Variants in TXNDC16 observed in about 807,000 individuals in gnomAD.
TXNDC16 encodes thioredoxin domain containing 16, also known as thioredoxin domain-containing protein 16.
Under a neutral mutation model 85.6 loss-of-function variants are expected in TXNDC16, and 74 were observed. The observed-to-expected ratio is 0.86, with a 90% CI of 0.72 to 1.05. The LOEUF (loss-of-function observed/expected upper bound fraction) is 1.05, where lower values mean the gene tolerates loss of function less well. Ranked by LOEUF, TXNDC16 falls within the 50% of genes least tolerant of loss-of-function variation. TXNDC16 has a pLI of 0.00. For missense variants in TXNDC16, 959 were observed against 947.0 expected (o/e 1.01, Z -0.17); for synonymous variants, 335 against 326.5 (o/e 1.03, Z -0.28).
chr14:52,496,610 ATT>A (rs57762673), intron 9 of TXNDC16, among the ~76,000 whole-genome samples: 8 of 140,092 alleles, frequency 5.7e-5, no homozygotes, highest in African/African-American at 1.3e-4. Context: ...TGATTTTATG[ATT>A]TTTTTTTTTT....
At chr14:52,460,850 T>TTA (rs2035636909) in intron 16 of TXNDC16, among the ~76,000 whole-genome samples, 1 of 152,168 alleles carries the variant, frequency 6.6e-6, no homozygotes, top group Admixed American at 6.5e-5. Flanking sequence ...TAGTATTACA[T>TTA]GAAATTTATG....
intron 1 of TXNDC16, among the ~76,000 whole-genome samples, chr14:52,544,650 T>G (rs2037904125): frequency 6.6e-6 from 1 of 151,982 alleles, no homozygotes; most frequent in Non-Finnish European, 1.5e-5. Flanking sequence ...ACTCTGCTCA[T>G]TCAATATTAT....
intron 6 of TXNDC16, among the ~76,000 whole-genome samples, chr14:52,534,698 T>G (rs1285649977): frequency 6.6e-6 from 1 of 152,206 alleles, no homozygotes; most frequent in Non-Finnish European, 1.5e-5. Context: ...TTAGCCCTTA[T>G]GCATACATAC....
intron 6 of TXNDC16, among the ~76,000 whole-genome samples, chr14:52,527,794 C>A (rs1412181450): frequency 6.6e-6 from 1 of 152,130 alleles, no homozygotes; most frequent in Non-Finnish European, 1.5e-5. Context: ...CACAGACTCA[C>A]AAGTAGGGTA....
chr14:52,494,760 C>T (rs1251496290), intron 9 of TXNDC16, among the ~76,000 whole-genome samples: 2 of 152,172 alleles, frequency 1.3e-5, no homozygotes, highest in Non-Finnish European at 2.9e-5. Flanking sequence ...TTTAAAATAT[C>T]ACTCTGTCAG....
intron 9 of TXNDC16, 106 bp downstream of exon 9, chr14:52,511,134 A>C (rs527751066): frequency 1.0e-6 from 1 of 956,500 alleles, no homozygotes; most frequent in South Asian, 3.3e-5. Context: ...TAAAACATGC[A>C]TCTATAAATC....
intron 8 of TXNDC16, among the ~76,000 whole-genome samples, chr14:52,511,750 T>C (rs956357226): frequency 6.6e-6 from 1 of 152,142 alleles, no homozygotes; most frequent in Non-Finnish European, 1.5e-5. Flanking sequence ...CAGTTGCTTT[T>C]CTAGAGCTAT....
chr14:52,543,265 CCAGT>C, intron 3 of TXNDC16, 129 bp downstream of exon 3: 2 of 1,001,172 alleles, frequency 2.0e-6, no homozygotes, highest in Non-Finnish European at 2.8e-6. Flanking sequence ...GGATTCAAAC[CCAGT>C]CAGACATATT....
intron 9 of TXNDC16, among the ~76,000 whole-genome samples, chr14:52,498,862 C>T (rs1233345515): frequency 6.6e-6 from 1 of 151,944 alleles, no homozygotes; most frequent in Non-Finnish European, 1.5e-5. Flanking sequence ...TCAGATAGCC[C>T]AGACAATCTT....
rs1594758189 is a variant in TXNDC16, at chr14:52,530,426, TATAA to T, written c.392+6289_392+6292del. On this transcript the variant is annotated intron_variant, in intron 6 of 20. Coordinates refer to ENST00000281741, the MANE Select transcript of TXNDC16 (RefSeq NM_020784.3). ...TATATAATTATTATATAATATTATA[TATAA>T]TAATATATAATATATTATTATATAA... Among the ~76,000 whole-genome samples the T allele has an allele frequency of 4.6e-4, 12 of 26,334 alleles. 5 individuals are homozygous for T. The highest frequency in any genetic ancestry group is 1.7e-3 in the Admixed American group (2 of 1,200). 17.3% of individuals were successfully genotyped at this position (26,334 alleles called of 152,430 possible).
intron 4 of TXNDC16, among the ~76,000 whole-genome samples, chr14:52,538,504 C>T (rs1054816844): frequency 1.9e-4 from 29 of 152,028 alleles, no homozygotes; most frequent in African/African-American, 6.3e-4. Flanking sequence ...ATCACATTAG[C>T]GTAGGTCATG....
intron 9 of TXNDC16, among the ~76,000 whole-genome samples, chr14:52,494,519 C>G (rs1423229524): frequency 6.6e-6 from 1 of 152,102 alleles, no homozygotes; most frequent in Admixed American, 6.5e-5. Flanking sequence ...GTGAAATACC[C>G]TGAAGGAGTA....
At chr14:52,444,202 T>A (rs994675119) in intron 18 of TXNDC16, among the ~76,000 whole-genome samples, 2 of 152,140 alleles carry the variant, frequency 1.3e-5, no homozygotes, top group Admixed American at 6.5e-5. Flanking sequence ...GACCTTTGGC[T>A]CTCTGAGTAT....
chr14:52,456,016 TC>T (rs1298881788), intron 17 of TXNDC16, among the ~76,000 whole-genome samples: 1 of 152,204 alleles, frequency 6.6e-6, no homozygotes, highest in Admixed American at 6.5e-5. Flanking sequence ...CTGTACTCTC[TC>T]CACTGAAACA....
At chr14:52,463,892 A>G (rs187350513) in intron 16 of TXNDC16, among the ~76,000 whole-genome samples, 175 of 152,330 alleles carry the variant, frequency 1.1e-3, no homozygotes, top group Non-Finnish European at 1.8e-3. Flanking sequence ...AGCTACTAAT[A>G]TATCAGTGTT....
chr14:52,497,260 AACCT>A (rs1450129398), intron 9 of TXNDC16, among the ~76,000 whole-genome samples: 2 of 152,176 alleles, frequency 1.3e-5, no homozygotes, highest in Admixed American at 6.5e-5. Context: ...AGAGACATAC[AACCT>A]ACCAAGACTG....
chr14:52,511,223 T>C lies in TXNDC16; in HGVS notation c.756+17A>G, dbSNP rs1377689320. 3 of 1,471,892 alleles carry C rather than the reference T, an allele frequency of 2.0e-6. No homozygotes were observed. Among genetic ancestry groups the C allele is most frequent in the South Asian group, 1.5e-5 (1 of 66,144 alleles). 91.2% of individuals were successfully genotyped at this position (1,471,892 alleles called of 1,614,324 possible). A position where few individuals can be genotyped will look rare whatever the true frequency, so the allele number is the denominator to read the frequency against. On this transcript the variant is annotated intron_variant, in intron 9 of 20. Transcript: ENST00000281741. ...AGGCAGTAGAAAGCAAATAAAAATATAAAATAAGACACATACCAACAGAGG... is the reference window on the plus strand; with the variant it reads ...AGGCAGTAGAAAGCAAATAAAAATACAAAATAAGACACATACCAACAGAGG...
At chr14:52,520,734 A>G (rs764869268) in intron 6 of TXNDC16, among the ~76,000 whole-genome samples, 11 of 152,178 alleles carry the variant, frequency 7.2e-5, no homozygotes, top group Non-Finnish European at 1.3e-4. Context: ...TGATAGGCTA[A>G]ACTTCAAAAA....
At chr14:52,542,722 T>C (rs2037858629) in intron 3 of TXNDC16, among the ~76,000 whole-genome samples, 1 of 152,162 alleles carries the variant, frequency 6.6e-6, no homozygotes, top group Non-Finnish European at 1.5e-5. Context: ...AAACCTAACA[T>C]TTGGCATTCT....
Sources: gnomAD v4.1 joint callset for allele counts (sites outside exome capture counted in the v4.1 genomes callset) on GRCh38, gnomAD v4.1.1 for gene constraint, MANE v1.5 for transcripts, NCBI Gene and HGNC (gene_info 2026-07-23, HGNC 2026-07-21) for gene names.